The following SLC24A2 variants were observed in gnomAD, a reference collection of about 807,000 sequenced individuals.
SLC24A2 encodes the protein solute carrier family 24 member 2.
SLC24A2 carries 36 observed loss-of-function variants against 62.0 expected under a neutral mutation model. The ratio of observed to expected loss-of-function variants is 0.58; its 90% CI spans 0.44 to 0.77. The LOEUF is 0.77. Ranked by LOEUF, SLC24A2 falls within the 30% of genes least tolerant of loss-of-function variation. The probability of loss-of-function intolerance (pLI) is 0.00; values close to 1 mark genes in which losing one functional copy is unlikely to be tolerated. For missense variants in SLC24A2, 846 were observed against 817.9 expected, an observed-to-expected ratio of 1.03 and a Z score of -0.42; for synonymous variants, 358 against 294.0, an observed-to-expected ratio of 1.22 and a Z score of -2.23.
the SLC24A2 span, among the ~76,000 whole-genome samples, chr9:20,185,256 T>C: frequency 6.6e-6 from 1 of 152,216 alleles, no homozygotes; most frequent in Non-Finnish European, 1.5e-5. Context: ...TGGGAGGTAA[T>C]GCATATGTTA....
intron 5 of SLC24A2, among the ~76,000 whole-genome samples, chr9:19,581,823 TATG>T (rs1303142942): frequency 2.6e-5 from 4 of 152,148 alleles, no homozygotes; most frequent in African/African-American, 9.7e-5. Context: ...AAAAATGAAT[TATG>T]ATATTTTTGA....
the SLC24A2 span, among the ~76,000 whole-genome samples, chr9:19,820,030 T>TATATATATATACATATATATATATACAC: frequency 4.9e-4 from 13 of 26,566 alleles, no homozygotes; most frequent in African/African-American, 9.0e-4. Flanking sequence ...TATATACACA[T>TATATATATATACATATATATATATACAC]ATATATATAT....
chr9:19,856,304 T>G, the SLC24A2 span, among the ~76,000 whole-genome samples: 1 of 152,218 alleles, frequency 6.6e-6, no homozygotes, highest in Non-Finnish European at 1.5e-5. Flanking sequence ...CATCTTAACC[T>G]CAGCCCAGTT....
the SLC24A2 span, among the ~76,000 whole-genome samples, chr9:20,087,218 T>C: frequency 6.6e-6 from 1 of 152,120 alleles, no homozygotes; most frequent in African/African-American, 2.4e-5. Flanking sequence ...TAATAAATAT[T>C]TATTGAGCAC....
Position 19,550,263 on chromosome 9 carries a change from A to C in SLC24A2, c.1353T>G (p.Ala451=), listed in dbSNP as rs1586940959. 6.2e-7 allele frequency: 1 copy of C among 1,614,090 alleles called. No homozygotes were observed. The highest frequency in any genetic ancestry group is 2.2e-5 in the East Asian group (1 of 44,876). ...TGAGAGGCTGGTCCTCCTCCTCATCAGCGGTCTGTGGTAGAAAAAGAGGTA... is the reference window on the plus strand; with the variant it reads ...TGAGAGGCTGGTCCTCCTCCTCATCCGCGGTCTGTGGTAGAAAAAGAGGTA... ...HNIEGAEAQT[A]DEEEDQPLSL... Residue 451 remains alanine, a synonymous_variant, in exon 8 of 11, where the codon GCT becomes GCG. Coordinates refer to ENST00000341998, the MANE Select transcript of SLC24A2 (RefSeq NM_020344.4).
At chr9:19,995,948 A>C in the SLC24A2 span, among the ~76,000 whole-genome samples, 1 of 152,240 alleles carries the variant, frequency 6.6e-6, no homozygotes, top group Non-Finnish European at 1.5e-5. Flanking sequence ...GGAGAAAGGT[A>C]GACTGGATTC....
chr9:19,997,454 A>G, the SLC24A2 span, among the ~76,000 whole-genome samples: 2 of 152,218 alleles, frequency 1.3e-5, no homozygotes, highest in Admixed American at 1.3e-4. Flanking sequence ...TACATTCTTA[A>G]GCTATTCCTT....
the SLC24A2 span, among the ~76,000 whole-genome samples, chr9:19,867,519 A>C: frequency 6.6e-6 from 1 of 152,042 alleles, no homozygotes; most frequent in Non-Finnish European, 1.5e-5. Flanking sequence ...TAAGATTGCT[A>C]GTGCTGTCTC....
chr9:19,517,920 C>CAT (rs201363441), intron 10 of SLC24A2, among the ~76,000 whole-genome samples: 2 of 128,476 alleles, frequency 1.6e-5, no homozygotes, highest in African/African-American at 7.2e-5. Context: ...AACACACACA[C>CAT]ACACACACAC....
chr9:19,919,005 G>A, the SLC24A2 span, among the ~76,000 whole-genome samples: 68 of 152,308 alleles, frequency 4.5e-4, 1 homozygote, highest in South Asian at 0.014. Flanking sequence ...GATAGGAGGT[G>A]AGAAAATTTA....
At chr9:19,996,933 C>T in the SLC24A2 span, among the ~76,000 whole-genome samples, 2,376 of 151,554 alleles carry the variant, frequency 0.016, 71 homozygotes, top group African/African-American at 0.051. Flanking sequence ...TTTTAGAAAG[C>T]GCTCAGTGGT....
At position 19,786,646 on chromosome 9, in the gene SLC24A2, C is replaced by A. The variant is rs764880453; in HGVS notation, c.221G>T (p.Ser74Ile). ...GTAACCCTGTGCTACCCTAGGGCCACTTACAACACTGGCCTCTCCTGTGCT... is the reference window on the plus strand; with the variant it reads ...GTAACCCTGTGCTACCCTAGGGCCAATTACAACACTGGCCTCTCCTGTGCT... ...TQSTGEASVVSGPRVAQGYHQ... is the reference protein window; with the variant it reads ...TQSTGEASVVIGPRVAQGYHQ... Residue 74 changes from serine (S) to isoleucine (I), a missense_variant, in exon 2 of 11, where the codon AGT becomes ATT. Coordinates refer to ENST00000341998, the MANE Select transcript of SLC24A2 (RefSeq NM_020344.4). The surrounding 1 kb of genome is among the most constrained non-coding windows in gnomAD (Gnocchi z 5.0). 19 of 1,614,006 alleles carry A rather than the reference C, an allele frequency of 1.2e-5. No individual in the cohort carries two copies. Among genetic ancestry groups the A allele is most frequent in the Non-Finnish European group, 1.4e-5 (17 of 1,179,998 alleles).
the SLC24A2 span, among the ~76,000 whole-genome samples, chr9:19,923,674 C>A: frequency 6.6e-6 from 1 of 152,222 alleles, no homozygotes; most frequent in African/African-American, 2.4e-5. Context: ...GTTGTTGTCA[C>A]CTTTGGAGAA....
At chr9:19,532,284 C>T (rs1046879178) in intron 8 of SLC24A2, among the ~76,000 whole-genome samples, 8 of 151,994 alleles carry the variant, frequency 5.3e-5, no homozygotes, top group Non-Finnish European at 8.8e-5. Context: ...TTAGTAGAGA[C>T]AGGGTTTCTC....
the SLC24A2 span, among the ~76,000 whole-genome samples, chr9:19,951,773 C>T: frequency 6.6e-6 from 1 of 152,006 alleles, no homozygotes; most frequent in Non-Finnish European, 1.5e-5. Context: ...AGTATAAATC[C>T]TCCAAACTTA....
the SLC24A2 span, among the ~76,000 whole-genome samples, chr9:20,132,298 C>T: frequency 4.6e-5 from 7 of 151,980 alleles, no homozygotes; most frequent in African/African-American, 1.4e-4. Flanking sequence ...AAGTTTGCTG[C>T]AAGAGTTGCT....
chr9:19,523,041 G>A (rs1833273677), intron 9 of SLC24A2, among the ~76,000 whole-genome samples: 1 of 152,274 alleles, frequency 6.6e-6, no homozygotes, highest in Admixed American at 6.5e-5. Context: ...ATTATTTGCT[G>A]GGCACAATGC....
the SLC24A2 span, among the ~76,000 whole-genome samples, chr9:20,025,857 G>C: frequency 6.6e-6 from 1 of 152,146 alleles, no homozygotes; most frequent in Non-Finnish European, 1.5e-5. Flanking sequence ...GAACAGAGGA[G>C]TAGGGAGAGA....
At chr9:19,807,537 C>G in the SLC24A2 span, among the ~76,000 whole-genome samples, 4 of 152,126 alleles carry the variant, frequency 2.6e-5, no homozygotes, top group Non-Finnish European at 5.9e-5. Context: ...CTCAAGTAGG[C>G]TTGTAGCTGC....
Sources: allele counts gnomAD v4.1 joint callset (sites outside exome capture counted in the v4.1 genomes callset), GRCh38; gene constraint gnomAD v4.1.1; non-coding constraint Gnocchi (gnomAD v3.1); transcripts MANE v1.5; gene names NCBI Gene and HGNC (gene_info 2026-07-23, HGNC 2026-07-21).